The following ME3 variants were observed in gnomAD, a reference collection of about 807,000 sequenced individuals.
ME3 encodes NADP-dependent malic enzyme, mitochondrial.
Under a neutral mutation model 68.9 loss-of-function variants are expected in ME3, and 48 were observed. That is an observed-to-expected ratio of 0.70 (90% CI 0.55 to 0.89). The LOEUF (loss-of-function observed/expected upper bound fraction) is 0.89, where lower values mean the gene tolerates loss of function less well. Among genes scored for constraint, ME3 ranks in the 40% least tolerant of loss-of-function variants. ME3 has a pLI of 0.00. For missense variants in ME3, 675 were observed against 797.4 expected (o/e 0.85, Z 1.85); for synonymous variants, 320 against 318.8 (o/e 1.00, Z -0.04).
downstream of ME3, among the ~76,000 whole-genome samples, chr11:86,438,791 A>G (rs1161021917): frequency 6.6e-6 from 1 of 151,780 alleles, no homozygotes; most frequent in Non-Finnish European, 1.5e-5. Flanking sequence ...CTCTTCTGAT[A>G]TAGGAATTTG....
chr11:86,617,550 T>C (rs1020959038), intron 2 of ME3, among the ~76,000 whole-genome samples: 4 of 152,174 alleles, frequency 2.6e-5, no homozygotes, highest in African/African-American at 4.8e-5. Flanking sequence ...AGACTCTACA[T>C]TTTAGCACTG....
At chr11:86,463,562 A>G (rs1950332531) in intron 8 of ME3, among the ~76,000 whole-genome samples, 1 of 152,222 alleles carries the variant, frequency 6.6e-6, no homozygotes, top group South Asian at 2.1e-4. Context: ...GGGAGACAGA[A>G]TGGAGAAAGG....
Position 86,625,785 on chromosome 11 carries a change from C to A in ME3, c.183+45977G>T, listed in dbSNP as rs542386299. Among the ~76,000 whole-genome samples, 13 of 152,248 alleles carry A rather than the reference C, an allele frequency of 8.5e-5. No individual in the cohort carries two copies. The South Asian group carries it at 2.7e-3, about 32-fold the overall frequency. The stretch of plus-strand genomic sequence containing the variant: ...TGTAGTATAGTATTAATAGTACAGA[C>A]CCTGAAACAAGATTGTCTGAGTTCA... On this transcript the variant is annotated intron_variant, in intron 2 of 14. Transcript: ENST00000543262.
chr11:86,465,591 T>C (rs772714498), intron 7 of ME3, among the ~76,000 whole-genome samples: 33 of 152,048 alleles, frequency 2.2e-4, no homozygotes, highest in Non-Finnish European at 4.4e-4. Flanking sequence ...CACATCCAAG[T>C]GCATGCAGAC....
At chr11:86,633,198 T>A (rs148415625) in intron 2 of ME3, among the ~76,000 whole-genome samples, 71 of 152,332 alleles carry the variant, frequency 4.7e-4, no homozygotes, top group Non-Finnish European at 7.8e-4. Flanking sequence ...AAGCAGCTCA[T>A]TGACCCACAA....
intron 13 of ME3, among the ~76,000 whole-genome samples, chr11:86,443,854 C>G (rs1156951399): frequency 2.0e-5 from 3 of 152,224 alleles, no homozygotes; most frequent in African/African-American, 7.2e-5. Context: ...AAGGCCAAGT[C>G]TGTCTCCTAA....
At chr11:86,595,455 T>C (rs1959258147) in intron 2 of ME3, among the ~76,000 whole-genome samples, 1 of 150,744 alleles carries the variant, frequency 6.6e-6, no homozygotes, top group South Asian at 2.1e-4. Context: ...GAGAGTTAAG[T>C]ACTTATAAAG....
chr11:86,568,636 G>A (rs1305253655), intron 2 of ME3, among the ~76,000 whole-genome samples: 7 of 152,206 alleles, frequency 4.6e-5, no homozygotes, highest in African/African-American at 1.4e-4. Flanking sequence ...AAGGCAGCAA[G>A]CCCCTTAGAT....
intron 4 of ME3, among the ~76,000 whole-genome samples, chr11:86,529,442 G>C (rs535315206): frequency 1.3e-5 from 2 of 152,150 alleles, no homozygotes. Context: ...GGAGGAGCTG[G>C]TACCATTCCT....
chr11:86,479,861 C>G (rs1414574137), intron 7 of ME3, among the ~76,000 whole-genome samples: 2 of 151,746 alleles, frequency 1.3e-5, no homozygotes, highest in Non-Finnish European at 2.9e-5. Flanking sequence ...GTCGCCCAGG[C>G]TGGAGTGCAG....
intron 2 of ME3, among the ~76,000 whole-genome samples, chr11:86,584,218 T>C (rs1323249782): frequency 6.6e-6 from 1 of 152,132 alleles, no homozygotes; most frequent in Non-Finnish European, 1.5e-5. Context: ...GAAAAGATGC[T>C]CAACATCACT....
At position 86,547,640 on chromosome 11, in the gene ME3, T is replaced by C. The variant is rs1001870465; in HGVS notation, c.467+8913A>G. Among the ~76,000 whole-genome samples, 58 of 151,784 alleles carry C rather than the reference T, an allele frequency of 3.8e-4. 1 individual carries two copies. The highest frequency in any genetic ancestry group is 2.6e-4 in the Non-Finnish European group (18 of 67,956). On this transcript the variant is annotated intron_variant, in intron 4 of 14. Transcript: ENST00000543262. ...GAACTTAAAGTATAATAAAATAAAA[T>C]AAAAAATAATTCAAAACCAAAAACA... is the stretch of plus-strand genomic sequence containing the variant.
At chr11:86,468,602 T>C (rs1227762584) in intron 7 of ME3, among the ~76,000 whole-genome samples, 1 of 152,232 alleles carries the variant, frequency 6.6e-6, no homozygotes, top group Non-Finnish European at 1.5e-5. Context: ...GCCAACTCTT[T>C]AAACTAATTA....
rs78572222 is a variant in ME3, at chr11:86,461,940, T to C, written c.919+3151A>G. ...TGAGAAAAGAATGGGAAGTCCTTCT[T>C]CTCTTTGCTCTGGGACCCAGAAAAC... On this transcript the variant is annotated intron_variant, in intron 8 of 14. Transcript: ENST00000543262. Among the ~76,000 whole-genome samples, 858 of 152,292 alleles carry C rather than the reference T, an allele frequency of 5.6e-3. 7 individuals carry two copies. Among genetic ancestry groups the C allele is most frequent in the African/African-American group, 0.02 (821 of 41,544 alleles).
chr11:86,620,797 A>G (rs1594695404), intron 2 of ME3, among the ~76,000 whole-genome samples: 2 of 152,048 alleles, frequency 1.3e-5, no homozygotes, highest in Non-Finnish European at 2.9e-5. Flanking sequence ...TCTTTTTTTG[A>G]TCAAATATTT....
At chr11:86,445,852 A>G (rs2138596181) in intron 13 of ME3, among the ~76,000 whole-genome samples, 1 of 152,212 alleles carries the variant, frequency 6.6e-6, no homozygotes, top group African/African-American at 2.4e-5. Context: ...AAAAACAAGT[A>G]TGACACCCAC....
At chr11:86,671,365 A>T (rs1468515532) in intron 2 of ME3, among the ~76,000 whole-genome samples, 4 of 152,182 alleles carry the variant, frequency 2.6e-5, no homozygotes, top group African/African-American at 9.7e-5. Context: ...TTCTCTTTAG[A>T]TCTCACGACA....
At chr11:86,587,457 C>T (rs1452817251) in intron 2 of ME3, among the ~76,000 whole-genome samples, 1 of 152,152 alleles carries the variant, frequency 6.6e-6, no homozygotes, top group African/African-American at 2.4e-5. Flanking sequence ...TGGGTCTCTT[C>T]GCTTTCCTCA....
intron 2 of ME3, among the ~76,000 whole-genome samples, chr11:86,607,410 T>A (rs1376152514): frequency 3.3e-5 from 5 of 151,552 alleles, no homozygotes; most frequent in Non-Finnish European, 7.4e-5. Flanking sequence ...TCTTCCTCTC[T>A]GATTCATAGC....
Sources: allele counts gnomAD v4.1 joint callset (sites outside exome capture counted in the v4.1 genomes callset), GRCh38; gene constraint gnomAD v4.1.1; transcripts MANE v1.5; gene names NCBI Gene and HGNC (gene_info 2026-07-23, HGNC 2026-07-21).